LRRC4C: variants seen among roughly 807,000 people sequenced by gnomAD.
The protein encoded by LRRC4C is leucine-rich repeat-containing protein 4C.
In LRRC4C, 5 loss-of-function variants were observed where a neutral mutation model predicts 33.6. The ratio of observed to expected loss-of-function variants is 0.15; its 90% CI spans 0.08 to 0.31. LRRC4C has a LOEUF of 0.31. Among genes scored for constraint, LRRC4C ranks in the 10% least tolerant of loss-of-function variants. The probability of loss-of-function intolerance (pLI) is 1.00; values close to 1 mark genes in which losing one functional copy is unlikely to be tolerated. For missense variants in LRRC4C, 560 were observed against 796.7 expected, an observed-to-expected ratio of 0.70 and a Z score of 3.58; for synonymous variants, 329 against 302.0, an observed-to-expected ratio of 1.09 and a Z score of -0.93.
chr11:41,054,817 T>G (rs1051470018), intron 1 of LRRC4C, among the ~76,000 whole-genome samples: 1 of 152,152 alleles, frequency 6.6e-6, no homozygotes, highest in African/African-American at 2.4e-5. Context: ...ATGAGAAATA[T>G]CACAAGTGTG....
At chr11:41,409,970 C>T (rs1487611678) in intron 1 of LRRC4C, among the ~76,000 whole-genome samples, 2 of 151,972 alleles carry the variant, frequency 1.3e-5, no homozygotes, top group East Asian at 1.9e-4. Context: ...GCATTTGTAC[C>T]GTGTAAGAAA....
chr11:40,669,163 C>T (rs1026384172), intron 2 of LRRC4C, among the ~76,000 whole-genome samples: 5 of 152,132 alleles, frequency 3.3e-5, no homozygotes, highest in African/African-American at 9.7e-5. Context: ...TGAATGGGCC[C>T]CTTCTCCTCT....
At chr11:41,222,910 T>C (rs1469988135) in intron 1 of LRRC4C, 1 of 145,368 alleles carries the variant, frequency 6.9e-6, no homozygotes, top group East Asian at 2.3e-4. Flanking sequence ...TCTTGATTAC[T>C]CCACATTAGA....
At position 40,846,801 on chromosome 11, in the gene LRRC4C, T is replaced by A. The variant is rs143397924; in HGVS notation, c.-407+86834A>T. On this transcript the variant is annotated intron_variant, in intron 2 of 6. Coordinates refer to ENST00000528697, the MANE Select transcript of LRRC4C (RefSeq NM_001258419.2). ...CTTCCTATCCATGAGAATGGAATGT[T>A]TTTCCATTTGTTTGTGTCCTCTCTT... Among the ~76,000 whole-genome samples the A allele has an allele frequency of 5.1e-3, 784 of 152,280 alleles. 6 individuals are homozygous for A. Among genetic ancestry groups the A allele is most frequent in the African/African-American group, 0.018 (744 of 41,550 alleles).
At chr11:41,417,975 CG>C (rs1954747665) in intron 1 of LRRC4C, among the ~76,000 whole-genome samples, 4 of 146,866 alleles carry the variant, frequency 2.7e-5, no homozygotes, top group South Asian at 4.3e-4. Context: ...CAAATATATA[CG>C]TGTATATATA....
intron 2 of LRRC4C, among the ~76,000 whole-genome samples, chr11:40,690,933 C>T (rs1315865950): frequency 6.6e-6 from 1 of 151,898 alleles, no homozygotes; most frequent in African/African-American, 2.4e-5. Flanking sequence ...CAAATGGCTC[C>T]AGAGACCAAG....
At chr11:40,423,297 C>A (rs1186733488) in intron 3 of LRRC4C, among the ~76,000 whole-genome samples, 5 of 149,370 alleles carry the variant, frequency 3.3e-5, no homozygotes, top group Admixed American at 6.7e-5. Flanking sequence ...AGGATATAAA[C>A]GGTGTTATTT....
At chr11:41,133,708 A>G (rs1167853073) in intron 1 of LRRC4C, among the ~76,000 whole-genome samples, 1 of 152,162 alleles carries the variant, frequency 6.6e-6, no homozygotes, top group Non-Finnish European at 1.5e-5. Flanking sequence ...AATTGGAAAC[A>G]AGATCTAAGG....
At chr11:40,342,152 TTG>T (rs1946897655) in intron 3 of LRRC4C, among the ~76,000 whole-genome samples, 1 of 152,202 alleles carries the variant, frequency 6.6e-6, no homozygotes, top group Non-Finnish European at 1.5e-5. Flanking sequence ...TTAGAGCAAT[TTG>T]ATAACTCAGT....
At chr11:40,286,298 C>T (rs1943833609) in intron 4 of LRRC4C, among the ~76,000 whole-genome samples, 1 of 152,084 alleles carries the variant, frequency 6.6e-6, no homozygotes, top group Admixed American at 6.6e-5. Flanking sequence ...CGGTTGACCA[C>T]AGGTAACTGA....
intron 1 of LRRC4C, among the ~76,000 whole-genome samples, chr11:40,971,056 G>A (rs371402900): frequency 2.4e-4 from 37 of 152,260 alleles, no homozygotes; most frequent in African/African-American, 8.7e-4. Flanking sequence ...GTCAAAGTTT[G>A]GAAAATTTGC....
intron 2 of LRRC4C, among the ~76,000 whole-genome samples, chr11:40,818,490 T>C (rs1352555289): frequency 1.3e-5 from 2 of 152,138 alleles, no homozygotes; most frequent in Non-Finnish European, 2.9e-5. Flanking sequence ...GTCAGTTGTT[T>C]AATAACATAA....
At chr11:40,918,376 TTA>T (rs1439712318) in intron 2 of LRRC4C, among the ~76,000 whole-genome samples, 1 of 141,732 alleles carries the variant, frequency 7.1e-6, no homozygotes, top group African/African-American at 3.1e-5. Context: ...AAATGCATAT[TTA>T]TATATTTATA....
chr11:40,390,499 T>A (rs1416393924), intron 3 of LRRC4C, among the ~76,000 whole-genome samples: 1 of 152,114 alleles, frequency 6.6e-6, no homozygotes, highest in Non-Finnish European at 1.5e-5. Flanking sequence ...CTGATGAAAA[T>A]TCATGGATTA....
chr11:40,696,748 G>GTGTATATATATATATATATATATATA (rs368234307), intron 2 of LRRC4C, among the ~76,000 whole-genome samples: 5 of 125,886 alleles, frequency 4.0e-5, no homozygotes, highest in African/African-American at 1.3e-4. Flanking sequence ...TATACACTGT[G>GTGTATATATATATATATATATATATA]TATATATATA....
At chr11:40,995,109 AC>A (rs1853875833) in intron 1 of LRRC4C, among the ~76,000 whole-genome samples, 1 of 152,156 alleles carries the variant, frequency 6.6e-6, no homozygotes, top group African/African-American at 2.4e-5. Flanking sequence ...GTTTTTGAGA[AC>A]TGAGTATTTT....
chr11:40,370,723 A>T (rs1948413313), intron 3 of LRRC4C, among the ~76,000 whole-genome samples: 2 of 152,210 alleles, frequency 1.3e-5, no homozygotes, highest in South Asian at 4.1e-4. Flanking sequence ...TTTTAGTAAA[A>T]TCATCTTAGC....
chr11:41,264,295 T>C (rs1258897970), intron 1 of LRRC4C, among the ~76,000 whole-genome samples: 1 of 152,058 alleles, frequency 6.6e-6, no homozygotes, highest in East Asian at 1.9e-4. Context: ...TTTCACCATG[T>C]TGGCCAGGAT....
At chr11:40,383,830 A>T (rs961477154) in intron 3 of LRRC4C, among the ~76,000 whole-genome samples, 4 of 151,752 alleles carry the variant, frequency 2.6e-5, no homozygotes, top group Non-Finnish European at 4.4e-5. Context: ...GAACACAGGC[A>T]TGCAACACCG....
Sources: gnomAD v4.1 joint callset for allele counts (sites outside exome capture counted in the v4.1 genomes callset) on GRCh38, gnomAD v4.1.1 for gene constraint, MANE v1.5 for transcripts, NCBI Gene and HGNC (gene_info 2026-07-23, HGNC 2026-07-21) for gene names.